Variants in RBPJ observed in about 807,000 individuals in gnomAD.
The protein encoded by RBPJ is recombining binding protein suppressor of hairless.
Under a neutral mutation model 67.8 loss-of-function variants are expected in RBPJ, and 9 were observed. That is an observed-to-expected ratio of 0.13 (90% CI 0.08 to 0.23). The LOEUF (loss-of-function observed/expected upper bound fraction) is 0.23, where lower values mean the gene tolerates loss of function less well. Among genes scored for constraint, RBPJ ranks in the 10% least tolerant of loss-of-function variants. RBPJ has a pLI of 1.00. For synonymous variants in RBPJ, 198 were observed against 203.3 expected, an observed-to-expected ratio of 0.97 and a Z score of 0.22; for missense variants, 305 against 595.6, an observed-to-expected ratio of 0.51 and a Z score of 5.08.
chr4:26,138,226 A>T, the RBPJ span, among the ~76,000 whole-genome samples: 1 of 152,154 alleles, frequency 6.6e-6, no homozygotes. Context: ...CAACCTCCAG[A>T]CATTTTGGCT....
intron 1 of RBPJ, among the ~76,000 whole-genome samples, chr4:26,339,507 G>A (rs1311835642): frequency 5.9e-5 from 9 of 151,978 alleles, no homozygotes; most frequent in South Asian, 2.1e-4. Flanking sequence ...GGTGGTGGCC[G>A]CCTGTAATCC....
the RBPJ span, among the ~76,000 whole-genome samples, chr4:26,144,357 G>A: frequency 7.4e-6 from 1 of 135,576 alleles, no homozygotes; most frequent in Non-Finnish European, 1.5e-5. Flanking sequence ...TGCAACCTCT[G>A]CTCCTGAGTT....
chr4:26,119,433 G>T, the RBPJ span, among the ~76,000 whole-genome samples: 1 of 152,186 alleles, frequency 6.6e-6, no homozygotes, highest in East Asian at 1.9e-4. Flanking sequence ...CTTTAGCTTG[G>T]CATTTCATTT....
intron 1 of RBPJ, chr4:26,362,615 G>T: frequency 6.2e-6 from 10 of 1,614,022 alleles, no homozygotes; most frequent in Non-Finnish European, 8.5e-6. Context: ...AAGTACCATG[G>T]CGTGGATTAA....
intron 1 of RBPJ, among the ~76,000 whole-genome samples, chr4:26,221,119 C>A (rs1718889241): frequency 6.6e-6 from 1 of 152,212 alleles, no homozygotes; most frequent in East Asian, 1.9e-4. Flanking sequence ...GAGACGGAGT[C>A]TCGTTCCGTC....
Position 26,424,231 on chromosome 4 carries a change from G to A in RBPJ, c.497-111G>A. 3 of 1,037,062 alleles carry A rather than the reference G, an allele frequency of 2.9e-6. No homozygotes were observed. In the East Asian group the frequency reaches 7.3e-5, roughly 25 times the overall value. The allele number at this position is 1,037,062 out of a possible 1,614,324, so 64.2% of individuals were successfully genotyped here. On this transcript the variant is annotated intron_variant, in intron 5 of 10. Transcript: ENST00000355476. This position sits in a 1 kb window ranked among gnomAD's most constrained non-coding sequence, Gnocchi z 5.3. ...GGAAAGTGAAAATATTTGTCAAACT[G>A]TTAAATGATAAGAAAGAATAATTAT...
At chr4:26,183,783 G>A (rs982827564) in intron 1 of RBPJ, among the ~76,000 whole-genome samples, 1 of 152,132 alleles carries the variant, frequency 6.6e-6, no homozygotes, top group Non-Finnish European at 1.5e-5. Flanking sequence ...GCTGAGGCGA[G>A]CAGATCACTT....
chr4:26,150,012 GA>G, the RBPJ span, among the ~76,000 whole-genome samples: 1 of 152,142 alleles, frequency 6.6e-6, no homozygotes, highest in African/African-American at 2.4e-5. Flanking sequence ...TAACATTCTT[GA>G]ACCATACCTC....
intron 1 of RBPJ, among the ~76,000 whole-genome samples, chr4:26,191,246 G>T (rs565960649): frequency 8.8e-5 from 12 of 135,970 alleles, no homozygotes; most frequent in African/African-American, 2.9e-4. Context: ...GAGAGATAGA[G>T]AGAGAGAGAG....
At chr4:26,361,656 A>G (rs1577523524) in intron 1 of RBPJ, among the ~76,000 whole-genome samples, 1 of 152,120 alleles carries the variant, frequency 6.6e-6, no homozygotes, top group Admixed American at 6.5e-5. Flanking sequence ...GTAAATGAAT[A>G]TATTTATTGA....
At chr4:26,167,759 T>C (rs1167600118) in intron 1 of RBPJ, among the ~76,000 whole-genome samples, 1 of 146,496 alleles carries the variant, frequency 6.8e-6, no homozygotes, top group East Asian at 2.0e-4. Flanking sequence ...CTATGTTGAA[T>C]AGGAGTGGTG....
chr4:26,176,157 G>T (rs918474027), intron 1 of RBPJ, among the ~76,000 whole-genome samples: 1 of 152,162 alleles, frequency 6.6e-6, no homozygotes, highest in Non-Finnish European at 1.5e-5. Flanking sequence ...TAAAAAGTTT[G>T]TTTATCTAAC....
upstream of RBPJ, among the ~76,000 whole-genome samples, chr4:26,316,572 C>CAT (rs1193904815): frequency 1.2e-4 from 4 of 34,422 alleles, no homozygotes; most frequent in Non-Finnish European, 2.2e-4. Context: ...TATACACATT[C>CAT]ATATATATAC....
intron 1 of RBPJ, among the ~76,000 whole-genome samples, chr4:26,256,666 G>A (rs957178461): frequency 1.3e-5 from 2 of 152,270 alleles, no homozygotes; most frequent in East Asian, 3.9e-4. Context: ...TTCTTCCATA[G>A]CTAGAAGAAT....
intron 1 of RBPJ, among the ~76,000 whole-genome samples, chr4:26,215,049 G>A (rs1577481304): frequency 1.1e-5 from 1 of 91,570 alleles, no homozygotes. Context: ...GGGAGGGAGG[G>A]AAGAGAGAGA....
chr4:26,264,212 C>T lies in RBPJ; in HGVS notation c.-166-98234C>T, dbSNP rs1352399819. On this transcript the variant is annotated intron_variant, in intron 1 of 4. Coordinates refer to the RBPJ transcript ENST00000512351. The surrounding 1 kb of genome is among the most constrained non-coding windows in gnomAD (Gnocchi z 4.1). ...GATTCATTTGTGTTCACAACCTGGT[C>T]CCAATTAGCTTCAACAAATTATGTG... Among the ~76,000 whole-genome samples, 1 of 152,066 alleles carries T rather than the reference C, an allele frequency of 6.6e-6. No homozygotes were observed.
intron 1 of RBPJ, among the ~76,000 whole-genome samples, chr4:26,261,657 C>T (rs769309766): frequency 9.2e-5 from 14 of 152,310 alleles, no homozygotes; most frequent in African/African-American, 1.2e-4. Flanking sequence ...TTTCTTGCTA[C>T]AGTGGAATAT....
At chr4:26,158,388 C>T in the RBPJ span, among the ~76,000 whole-genome samples, 1 of 152,222 alleles carries the variant, frequency 6.6e-6, no homozygotes, top group Non-Finnish European at 1.5e-5. Context: ...ATGTTTTTCC[C>T]TGGTATCCTT....
Position 26,165,186 on chromosome 4 carries a change from A to G in RBPJ, c.-167+1572A>G, listed in dbSNP as rs1200025683. ...ACTTTATGTCATTATTACCTCTTAT[A>G]TATGATAAATAGTACAGAAATTTGG... On this transcript the variant is annotated intron_variant, in intron 1 of 4. Coordinates refer to the RBPJ transcript ENST00000512351. Among the ~76,000 whole-genome samples, 7 of 152,184 alleles carry G rather than the reference A, an allele frequency of 4.6e-5. No homozygotes were observed. The East Asian group carries it at 1.3e-3, about 29-fold the overall frequency.
Sources: allele counts gnomAD v4.1 joint callset (sites outside exome capture counted in the v4.1 genomes callset), GRCh38; gene constraint gnomAD v4.1.1; non-coding constraint Gnocchi (gnomAD v3.1); transcripts MANE v1.5; gene names NCBI Gene and HGNC (gene_info 2026-07-23, HGNC 2026-07-21).